Variants in NELL1 observed in about 807,000 individuals in gnomAD.
The protein encoded by NELL1 is neural EGFL like 1, also known as protein kinase C-binding protein NELL1.
A neutral mutation model predicts 107.4 loss-of-function variants in NELL1; 76 were observed. The ratio of observed to expected loss-of-function variants is 0.71; its 90% confidence interval spans 0.59 to 0.86. The LOEUF (loss-of-function observed/expected upper bound fraction) is 0.86, where lower values mean the gene tolerates loss of function less well. NELL1 is among the 40% of genes least tolerant of loss of function. The pLI, the probability that NELL1 is intolerant of heterozygous loss-of-function variation, is 0.00. For missense variants in NELL1, 1,024 were observed against 1,005.5 expected (o/e 1.02, Z -0.25); for synonymous variants, 353 against 341.2 (o/e 1.03, Z -0.38).
intron 15 of NELL1, among the ~76,000 whole-genome samples, chr11:21,378,981 G>A (rs1851548564): frequency 6.6e-6 from 1 of 151,990 alleles, no homozygotes; most frequent in Admixed American, 6.6e-5. Context: ...GCCTCCCAAA[G>A]TGTGCCCGGC....
At chr11:20,679,567 A>G (rs1320480979) in intron 2 of NELL1, among the ~76,000 whole-genome samples, 2 of 152,224 alleles carry the variant, frequency 1.3e-5, no homozygotes, top group African/African-American at 4.8e-5. Context: ...TTGGTGAAGT[A>G]TGTAAGCTGG....
At chr11:20,710,059 T>C (rs2063584709) in intron 2 of NELL1, among the ~76,000 whole-genome samples, 1 of 152,222 alleles carries the variant, frequency 6.6e-6, no homozygotes, top group African/African-American at 2.4e-5. Flanking sequence ...CTTGTCTGAT[T>C]GCTCTGGCTA....
At chr11:21,206,870 T>G (rs895435982) in intron 13 of NELL1, among the ~76,000 whole-genome samples, 3 of 152,186 alleles carry the variant, frequency 2.0e-5, no homozygotes, top group Admixed American at 1.3e-4. Flanking sequence ...GTTTCATCTT[T>G]AGACACTTGT....
chr11:21,097,871 C>T (rs1854687811), intron 12 of NELL1, among the ~76,000 whole-genome samples: 2 of 151,538 alleles, frequency 1.3e-5, no homozygotes, highest in Non-Finnish European at 2.9e-5. Flanking sequence ...AGGCATAGAA[C>T]AGTGAACTAA....
chr11:21,428,429 G>T (rs981381359), intron 15 of NELL1, among the ~76,000 whole-genome samples: 2 of 152,152 alleles, frequency 1.3e-5, no homozygotes, highest in Non-Finnish European at 2.9e-5. Flanking sequence ...TGTCGATAAA[G>T]TTATTATTGT....
intron 2 of NELL1, among the ~76,000 whole-genome samples, chr11:20,706,488 A>T (rs1854959412): frequency 7.3e-6 from 1 of 136,116 alleles, no homozygotes; most frequent in Non-Finnish European, 1.6e-5. Context: ...TGGACACAGG[A>T]AGGGGAACAT....
intron 2 of NELL1, among the ~76,000 whole-genome samples, chr11:20,686,092 C>A (rs1195367779): frequency 6.6e-6 from 1 of 151,540 alleles, no homozygotes; most frequent in Non-Finnish European, 1.5e-5. Flanking sequence ...AAAAAAAAAA[C>A]AGTTCATTAT....
intron 3 of NELL1, among the ~76,000 whole-genome samples, chr11:20,807,041 G>C (rs1857399024): frequency 6.6e-6 from 1 of 151,418 alleles, no homozygotes; most frequent in Admixed American, 6.6e-5. Flanking sequence ...TTTGATCCTT[G>C]GTGCATTATT....
chr11:21,259,656 T>C (rs1348558645), intron 14 of NELL1, among the ~76,000 whole-genome samples: 1 of 151,850 alleles, frequency 6.6e-6, no homozygotes, highest in East Asian at 1.9e-4. Flanking sequence ...ATGCTTACAC[T>C]GGTGTTTTAC....
At chr11:21,208,059 CTATT>C (rs1294572716) in intron 13 of NELL1, among the ~76,000 whole-genome samples, 2 of 151,976 alleles carry the variant, frequency 1.3e-5, no homozygotes, top group Non-Finnish European at 2.9e-5. Context: ...GAGCTAAAAT[CTATT>C]TATTTAGCAG....
At chr11:21,388,782 C>T (rs1158096961) in intron 15 of NELL1, among the ~76,000 whole-genome samples, 10 of 151,806 alleles carry the variant, frequency 6.6e-5, no homozygotes, top group Non-Finnish European at 1.3e-4. Flanking sequence ...TGGTGTAATA[C>T]ATCCCCAGAG....
chr11:21,030,027 T>G (rs1852914492), intron 12 of NELL1, among the ~76,000 whole-genome samples: 3 of 152,170 alleles, frequency 2.0e-5, no homozygotes, highest in East Asian at 1.9e-4. Flanking sequence ...GTAAATGAAG[T>G]GATTGGAAGC....
intron 13 of NELL1, among the ~76,000 whole-genome samples, chr11:21,205,996 T>C (rs11025963): frequency 0.082 from 12,548 of 152,168 alleles, 833 homozygotes; most frequent in East Asian, 0.27. Context: ...TCATTAGGAC[T>C]TGGGCCCTCA....
At chr11:21,035,315 T>A (rs1853061407) in intron 12 of NELL1, among the ~76,000 whole-genome samples, 1 of 152,020 alleles carries the variant, frequency 6.6e-6, no homozygotes, top group South Asian at 2.1e-4. Context: ...GAGCTGATAC[T>A]ATTCCCACTG....
rs184812187 is a variant in NELL1, at chr11:20,882,451, A to T, written c.507-2993A>T. On this transcript the variant is annotated intron_variant, in intron 4 of 19. Transcript: ENST00000357134. ...GTTAATATAACTTTAAGCTCACAGA[A>T]AACTTATAGGAGTGATACAAGGAAC... Among the ~76,000 whole-genome samples the T allele has an allele frequency of 3.2e-3, 485 of 152,330 alleles. 2 individuals carry two copies. The highest frequency in any genetic ancestry group is 0.011 in the African/African-American group (447 of 41,568).
intron 4 of NELL1, among the ~76,000 whole-genome samples, chr11:20,868,196 G>A (rs1849129905): frequency 6.6e-6 from 1 of 152,160 alleles, no homozygotes; most frequent in Non-Finnish European, 1.5e-5. Context: ...CCTAGAAGCA[G>A]GAGGCATGTT....
At chr11:20,848,643 C>T (rs1249625428) in intron 4 of NELL1, among the ~76,000 whole-genome samples, 1 of 152,094 alleles carries the variant, frequency 6.6e-6, no homozygotes, top group Non-Finnish European at 1.5e-5. Flanking sequence ...CCACACAAGG[C>T]TTGCTCCCTT....
At chr11:21,412,507 A>G (rs189405922) in intron 15 of NELL1, among the ~76,000 whole-genome samples, 2 of 152,234 alleles carry the variant, frequency 1.3e-5, no homozygotes, top group African/African-American at 4.8e-5. Flanking sequence ...TCACCCAGTT[A>G]ATAAATGACA....
chr11:21,527,739 T>C (rs923456068), intron 15 of NELL1, among the ~76,000 whole-genome samples: 1 of 152,162 alleles, frequency 6.6e-6, no homozygotes, highest in Non-Finnish European at 1.5e-5. Context: ...GGCAAATCTC[T>C]GGTTTAGGTC....
Sources: allele counts gnomAD v4.1 joint callset (sites outside exome capture counted in the v4.1 genomes callset), GRCh38; gene constraint gnomAD v4.1.1; transcripts MANE v1.5; gene names NCBI Gene and HGNC (gene_info 2026-07-23, HGNC 2026-07-21).